The following SOX6 variants were observed in gnomAD, a reference collection of about 807,000 sequenced individuals.
The protein encoded by SOX6 is SRY-box transcription factor 6, also known as transcription factor SOX-6.
Under a neutral mutation model 97.8 loss-of-function variants are expected in SOX6, and 11 were observed. The ratio of observed to expected loss-of-function variants is 0.11; its 90% CI spans 0.07 to 0.19. SOX6 has a LOEUF of 0.19. Among genes scored for constraint, SOX6 ranks in the 10% least tolerant of loss-of-function variants. The pLI is 1.00. For synonymous variants in SOX6, 360 were observed against 371.4 expected (o/e 0.97, Z 0.35); for missense variants, 810 against 1,039.5 (o/e 0.78, Z 3.04).
chr11:16,255,590 G>A (rs774743519), intron 3 of SOX6, among the ~76,000 whole-genome samples: 7 of 151,982 alleles, frequency 4.6e-5, no homozygotes, highest in Non-Finnish European at 7.4e-5. Flanking sequence ...AAGTGTGCGG[G>A]ATGCAGTGAA....
intron 2 of SOX6, among the ~76,000 whole-genome samples, chr11:16,726,663 G>A (rs1205617359): frequency 6.6e-6 from 1 of 152,152 alleles, no homozygotes; most frequent in African/African-American, 2.4e-5. Context: ...TATCCTGGAA[G>A]TCAGGGAGGG....
chr11:16,307,961 T>C (rs932180748), intron 3 of SOX6, among the ~76,000 whole-genome samples: 5 of 152,172 alleles, frequency 3.3e-5, no homozygotes, highest in African/African-American at 4.8e-5. Flanking sequence ...ATTGTGAGAG[T>C]ACTTGTCTGT....
chr11:16,246,210 G>A (rs1159711039), intron 3 of SOX6, among the ~76,000 whole-genome samples: 1 of 151,204 alleles, frequency 6.6e-6, no homozygotes, highest in Non-Finnish European at 1.5e-5. Context: ...TGCTGTCATA[G>A]GTATTAGTTC....
chr11:16,506,111 G>T (rs1052364477), intron 4 of SOX6, among the ~76,000 whole-genome samples: 1 of 152,164 alleles, frequency 6.6e-6, no homozygotes, highest in Non-Finnish European at 1.5e-5. Context: ...CCCTAGAATG[G>T]TAGATCCACC....
chr11:15,976,509 G>A (rs182376490), intron 15 of SOX6, among the ~76,000 whole-genome samples: 3 of 152,248 alleles, frequency 2.0e-5, no homozygotes, highest in Admixed American at 1.3e-4. Flanking sequence ...ACCTCACAGA[G>A]AGCAAGCATG....
At chr11:16,669,094 T>C (rs1847828978) in intron 3 of SOX6, among the ~76,000 whole-genome samples, 1 of 152,164 alleles carries the variant, frequency 6.6e-6, no homozygotes, top group South Asian at 2.1e-4. Context: ...AAAATCATTC[T>C]CCTCAGCACA....
At chr11:16,043,428 A>G (rs1590153881) in intron 12 of SOX6, among the ~76,000 whole-genome samples, 1 of 152,036 alleles carries the variant, frequency 6.6e-6, no homozygotes, top group African/African-American at 2.4e-5. Context: ...GATCCTAAAT[A>G]CCCCGTGACA....
chr11:15,983,537 G>T (rs1853736019), intron 15 of SOX6, among the ~76,000 whole-genome samples: 1 of 151,982 alleles, frequency 6.6e-6, no homozygotes, highest in South Asian at 2.1e-4. Context: ...TTGAATTTTT[G>T]TTTGTTTTTT....
At chr11:16,103,265 T>TAA (rs1012812379) in intron 7 of SOX6, among the ~76,000 whole-genome samples, 3 of 151,202 alleles carry the variant, frequency 2.0e-5, no homozygotes, top group African/African-American at 7.3e-5. Context: ...AATGATCATA[T>TAA]AAAAAAAAGC....
chr11:16,005,422 G>C (rs952706591), intron 13 of SOX6, among the ~76,000 whole-genome samples: 3 of 151,792 alleles, frequency 2.0e-5, no homozygotes, highest in Non-Finnish European at 2.9e-5. Flanking sequence ...CCATTATCTT[G>C]TGAACCTACA....
chr11:16,523,274 C>A (rs957535092), intron 4 of SOX6, among the ~76,000 whole-genome samples: 14 of 152,208 alleles, frequency 9.2e-5, no homozygotes, highest in Admixed American at 5.9e-4. Flanking sequence ...GAAATTATAA[C>A]AAACTATCTC....
chr11:16,694,380 G>A (rs572755894), intron 3 of SOX6, among the ~76,000 whole-genome samples: 62 of 152,124 alleles, frequency 4.1e-4, no homozygotes, highest in African/African-American at 3.9e-4. Flanking sequence ...CAAATTAGCC[G>A]GGTATGGTGG....
chr11:16,735,020 A>G (rs1264219531), intron 2 of SOX6, among the ~76,000 whole-genome samples: 2 of 152,220 alleles, frequency 1.3e-5, no homozygotes, highest in Admixed American at 6.5e-5. Context: ...AATTCTATCA[A>G]CTTAATTCTG....
At chr11:16,612,656 AG>A (rs1848413269) in intron 3 of SOX6, among the ~76,000 whole-genome samples, 1 of 152,078 alleles carries the variant, frequency 6.6e-6, no homozygotes, top group Non-Finnish European at 1.5e-5. Flanking sequence ...TTGCTCAAAA[AG>A]CTCCCAAAGG....
intron 6 of SOX6, among the ~76,000 whole-genome samples, chr11:16,130,812 A>G (rs1180453117): frequency 6.6e-6 from 1 of 151,992 alleles, no homozygotes; most frequent in Non-Finnish European, 1.5e-5. Flanking sequence ...GTCCAGAGGT[A>G]GATCCACACC....
chr11:16,543,591 C>G (rs1324914405), intron 4 of SOX6, among the ~76,000 whole-genome samples: 1 of 152,046 alleles, frequency 6.6e-6, no homozygotes, highest in Non-Finnish European at 1.5e-5. Flanking sequence ...ACTCTTACAA[C>G]TCAATAATGA....
chr11:16,130,045 A>G (rs1475514943), intron 6 of SOX6, among the ~76,000 whole-genome samples: 2 of 152,084 alleles, frequency 1.3e-5, no homozygotes, highest in African/African-American at 4.8e-5. Flanking sequence ...AATCATAATC[A>G]TAGAAAATCT....
intron 3 of SOX6, among the ~76,000 whole-genome samples, chr11:16,696,633 A>G (rs1319427075): frequency 6.6e-6 from 1 of 152,230 alleles, no homozygotes; most frequent in Admixed American, 6.5e-5. Flanking sequence ...TAAAAACAAT[A>G]TATGTACCTT....
At chr11:16,705,206 C>G (rs1412411430) in intron 3 of SOX6, among the ~76,000 whole-genome samples, 2 of 150,682 alleles carry the variant, frequency 1.3e-5, no homozygotes, top group African/African-American at 2.4e-5. Context: ...TGCAATGAGC[C>G]AAAATCATGC....
Sources: allele counts gnomAD v4.1 joint callset (sites outside exome capture counted in the v4.1 genomes callset), GRCh38; gene constraint gnomAD v4.1.1; transcripts MANE v1.5; gene names NCBI Gene and HGNC (gene_info 2026-07-23, HGNC 2026-07-21).